The following PALB2 variants were observed in gnomAD, a reference collection of about 807,000 sequenced individuals.
PALB2 encodes the protein mutant partner and localizer of BRCA2.
PALB2 carries 82 observed loss-of-function variants against 107.4 expected under a neutral mutation model. That is an observed-to-expected ratio of 0.76 (90% CI 0.64 to 0.92). PALB2 has a LOEUF of 0.92. Among genes scored for constraint, PALB2 ranks in the 40% least tolerant of loss-of-function variants. The probability of loss-of-function intolerance (pLI) is 0.00; values close to 1 mark genes in which losing one functional copy is unlikely to be tolerated. For synonymous variants in PALB2, 489 were observed against 496.8 expected (o/e 0.98, Z 0.21); for missense variants, 1,374 against 1,379.9 (o/e 1.00, Z 0.07).
chr16:23,626,322 T>A lies in PALB2; in HGVS notation c.2662A>T (p.Ile888Leu), dbSNP rs786202468. The change falls in exon 7 of 13, where the codon ATA becomes TTA. Residue 888 changes from isoleucine (I) to leucine (L), a missense_variant. Coordinates refer to ENST00000261584, the MANE Select transcript of PALB2 (RefSeq NM_024675.4). ...ERAGCKEPCI[I>L]TACEDVVSLW... is the part of the protein sequence containing the mutation. ...GAAACTACATCTTCGCAAGCAGTTATGATACATGGCTCTTTACAACCGGCT... is the reference window on the plus strand; with the variant it reads ...GAAACTACATCTTCGCAAGCAGTTAAGATACATGGCTCTTTACAACCGGCT... 1 of 1,614,228 alleles carries A rather than the reference T, an allele frequency of 6.2e-7. No homozygotes were observed. The highest frequency in any genetic ancestry group is 8.5e-7 in the Non-Finnish European group (1 of 1,180,048).
chr16:23,631,722 C>T (rs1438757294), intron 4 of PALB2, among the ~76,000 whole-genome samples: 2 of 152,178 alleles, frequency 1.3e-5, no homozygotes, highest in Non-Finnish European at 1.5e-5. Flanking sequence ...AAAATACCTA[C>T]ATTCTTTCCT....
rs180177102 is a variant in PALB2 at position 23,634,953 on chromosome 16, CA to C, written c.1592del (p.Leu531CysfsTer30). 116 of 1,613,984 alleles carry C rather than the reference CA, an allele frequency of 7.2e-5. No homozygotes were observed. Among genetic ancestry groups the C allele is most frequent in the Non-Finnish European group, 2.5e-6 (3 of 1,180,040 alleles). On this transcript the variant is annotated frameshift_variant, in exon 4 of 13. Coordinates refer to ENST00000261584, the MANE Select transcript of PALB2 (RefSeq NM_024675.4). LOFTEE classifies it high-confidence loss of function. ...TPASDHCEPLLPTSSLSIVNR... is the reference protein window; with the variant it reads ...TPASDHCEPLXPTSSLSIVNR... ...TAACAATCGACAGGCTAGAAGTTGG[CA>C]AAAGTGGTTCACAATGATCTGATGC...
chr16:23,606,574 G>A (rs1158192788), intron 12 of PALB2, among the ~76,000 whole-genome samples: 4 of 152,208 alleles, frequency 2.6e-5, no homozygotes, highest in Admixed American at 1.3e-4. Flanking sequence ...AGCCCAGGCT[G>A]CAGTGCAGTG....
At chr16:23,611,073 T>G (rs1041485524) in intron 11 of PALB2, among the ~76,000 whole-genome samples, 1 of 143,598 alleles carries the variant, frequency 7.0e-6, no homozygotes, top group African/African-American at 2.5e-5. Flanking sequence ...TGAATTCAAC[T>G]GTCAGTCTAT....
chr16:23,625,335 A>AAAAC (rs1014380796), intron 7 of PALB2, among the ~76,000 whole-genome samples: 3 of 151,120 alleles, frequency 2.0e-5, no homozygotes, highest in South Asian at 2.1e-4. Context: ...TCTCTCTCCA[A>AAAAC]AAACAAACAA....
intron 4 of PALB2, among the ~76,000 whole-genome samples, chr16:23,630,700 A>G (rs983142782): frequency 6.6e-6 from 1 of 152,220 alleles, no homozygotes; most frequent in African/African-American, 2.4e-5. Flanking sequence ...ACTCAAATAT[A>G]CTAAAAAATG....
chr16:23,615,814 G>A (rs1597075035), intron 10 of PALB2, among the ~76,000 whole-genome samples: 3 of 151,846 alleles, frequency 2.0e-5, no homozygotes, highest in South Asian at 2.1e-4. Context: ...ACAGGCAGGC[G>A]CCACCACACC....
intron 11 of PALB2, among the ~76,000 whole-genome samples, chr16:23,610,387 C>A (rs749584085): frequency 6.7e-6 from 1 of 150,206 alleles, no homozygotes; most frequent in Non-Finnish European, 1.5e-5. Flanking sequence ...CGTCTCACTG[C>A]AACCTCTGCC....
intron 8 of PALB2, 69 bp from the exon 9 acceptor site, chr16:23,623,199 AC>A: frequency 7.5e-5 from 83 of 1,109,282 alleles, no homozygotes; most frequent in Non-Finnish European, 9.2e-5. Context: ...GACTAGGTTC[AC>A]TTTTTTTTTT....
intron 11 of PALB2, among the ~76,000 whole-genome samples, chr16:23,611,101 TATCTATCTATCTATCTATCTATCA>T (rs1259210185): frequency 1.3e-5 from 2 of 150,398 alleles, no homozygotes; most frequent in African/African-American, 2.5e-5. Context: ...TCTATCTATC[TATCTATCTATCTATCTATCTATCA>T]ATCTATCTAT....
At chr16:23,625,472 C>T (rs141639692) in intron 7 of PALB2, among the ~76,000 whole-genome samples, 2 of 152,202 alleles carry the variant, frequency 1.3e-5, no homozygotes, top group East Asian at 3.9e-4. Flanking sequence ...TCAAGACCAG[C>T]CCAGGCGACA....
At position 23,625,205 on chromosome 16, in the gene PALB2, C is replaced by T. The variant is rs545716474; in HGVS notation, c.2748+1031G>A. Among the ~76,000 whole-genome samples the T allele has an allele frequency of 3.9e-5, 6 of 152,068 alleles. No individual in the cohort carries two copies. The South Asian group carries it at 1.0e-3, about 26-fold the overall frequency. On this transcript the variant is annotated intron_variant, in intron 7 of 12. Coordinates refer to ENST00000261584, the MANE Select transcript of PALB2 (RefSeq NM_024675.4). ...AAAATTAGCTGGGCGTGGTGGTGGG[C>T]GCCTGTAGTCCCAGCTACTCGGGAG...
chr16:23,622,943 TA>T, intron 9 of PALB2, 25 bp downstream of exon 9: 2 of 1,613,588 alleles, frequency 1.2e-6, no homozygotes, highest in South Asian at 1.1e-5. Flanking sequence ...ATCTAATAGT[TA>T]AAAATCAATC....
rs371865056 is a variant in PALB2, at chr16:23,605,564, G to A, written c.3351-1895C>T. On this transcript the variant is annotated intron_variant, in intron 12 of 12. Coordinates refer to ENST00000261584, the MANE Select transcript of PALB2 (RefSeq NM_024675.4). ...GCTGGGATTACTGGTGCACACCATC[G>A]CACCCAGCTCATTTTTGTATTTTTA... Among the ~76,000 whole-genome samples the A allele has an allele frequency of 2.5e-4, 38 of 152,058 alleles. 1 individual carries two copies. The East Asian group carries it at 6.4e-3, about 26-fold the overall frequency.
chr16:23,631,277 C>T (rs1482011908), intron 4 of PALB2, among the ~76,000 whole-genome samples: 1 of 80,926 alleles, frequency 1.2e-5, no homozygotes, highest in African/African-American at 5.5e-5. Flanking sequence ...GAGACTCTGT[C>T]TCAAAAAAAA....
intron 11 of PALB2, among the ~76,000 whole-genome samples, chr16:23,610,867 C>T (rs1966572677): frequency 2.0e-5 from 3 of 151,614 alleles, no homozygotes; most frequent in Admixed American, 6.6e-5. Flanking sequence ...GAAACCCCGT[C>T]TCTACTAAAG....
intron 4 of PALB2, among the ~76,000 whole-genome samples, chr16:23,634,437 GC>G (rs1339664120): frequency 6.6e-6 from 1 of 151,968 alleles, no homozygotes; most frequent in Admixed American, 6.6e-5. Flanking sequence ...ATTGTTTGAG[GC>G]CAGGAGTTCA....
chr16:23,638,631 G>A (rs1390574130), intron 1 of PALB2: 12 of 438,556 alleles, frequency 2.7e-5, no homozygotes, highest in Admixed American at 5.2e-5. Flanking sequence ...GTCAATTAGT[G>A]CTCCAGATGC....
intron 1 of PALB2, 103 bp downstream of exon 1, chr16:23,641,007 A>G: frequency 1.5e-6 from 2 of 1,341,858 alleles, no homozygotes; most frequent in Non-Finnish European, 2.1e-6. Context: ...GGGTGGTCAG[A>G]TGATACTGCT....
Sources: allele counts gnomAD v4.1 joint callset (sites outside exome capture counted in the v4.1 genomes callset), GRCh38; gene constraint gnomAD v4.1.1; transcripts MANE v1.5; gene names NCBI Gene and HGNC (gene_info 2026-07-23, HGNC 2026-07-21).